The following TANC1 variants were observed in gnomAD, a reference collection of about 807,000 sequenced individuals.
TANC1 encodes tetratricopeptide repeat, ankyrin repeat and coiled-coil containing 1, also known as protein TANC1.
TANC1 carries 77 observed loss-of-function variants against 149.7 expected under a neutral mutation model. The ratio of observed to expected loss-of-function variants is 0.51; its 90% CI spans 0.43 to 0.62. The LOEUF (loss-of-function observed/expected upper bound fraction) is 0.62, where lower values mean the gene tolerates loss of function less well. TANC1 is among the 20% of genes least tolerant of loss of function. TANC1 has a pLI of 0.00. For synonymous variants in TANC1, 854 were observed against 925.0 expected (o/e 0.92, Z 1.39); for missense variants, 1,985 against 2,321.8 (o/e 0.85, Z 2.98).
At chr2:159,214,473 C>A (rs1256517144) in intron 19 of TANC1, among the ~76,000 whole-genome samples, 2 of 152,194 alleles carry the variant, frequency 1.3e-5, no homozygotes, top group Non-Finnish European at 2.9e-5. Context: ...GGTGCACAGG[C>A]CCCCTGTGCC....
At chr2:159,004,675 A>G (rs1327188466) in intron 2 of TANC1, among the ~76,000 whole-genome samples, 2 of 152,020 alleles carry the variant, frequency 1.3e-5, no homozygotes, top group African/African-American at 2.4e-5. Flanking sequence ...AAACAGTTCT[A>G]TTTATCCTCC....
intron 20 of TANC1, among the ~76,000 whole-genome samples, chr2:159,218,199 A>G (rs181145435): frequency 6.6e-6 from 1 of 152,344 alleles, no homozygotes; most frequent in Admixed American, 6.5e-5. Context: ...ACCTAGCACC[A>G]AGTTACACAT....
At chr2:159,093,062 C>A (rs2149873834) in intron 3 of TANC1, among the ~76,000 whole-genome samples, 1 of 152,242 alleles carries the variant, frequency 6.6e-6, no homozygotes, top group Admixed American at 6.5e-5. Context: ...GTAGGTGGGA[C>A]TGTCTGTGGT....
intron 4 of TANC1, among the ~76,000 whole-genome samples, chr2:159,134,814 T>C (rs1363476886): frequency 6.6e-6 from 1 of 152,036 alleles, no homozygotes; most frequent in Non-Finnish European, 1.5e-5. Context: ...AGAGACCAGG[T>C]CTTCACTGTG....
chr2:159,101,393 G>C (rs1366679663), intron 4 of TANC1, among the ~76,000 whole-genome samples: 2 of 152,196 alleles, frequency 1.3e-5, no homozygotes, highest in Non-Finnish European at 2.9e-5. Context: ...CTGTGGGCCA[G>C]AGATAATTTA....
chr2:159,181,548 C>T (rs970002501), intron 14 of TANC1, among the ~76,000 whole-genome samples: 4 of 152,204 alleles, frequency 2.6e-5, no homozygotes, highest in Non-Finnish European at 4.4e-5. Flanking sequence ...CCGCCCGCCT[C>T]GGCCTCCCAG....
intron 3 of TANC1, among the ~76,000 whole-genome samples, chr2:159,093,582 A>G (rs570455155): frequency 2.5e-4 from 38 of 152,324 alleles, no homozygotes; most frequent in African/African-American, 9.1e-4. Context: ...CTTCCTGTTC[A>G]TACATAAAAC....
chr2:159,147,861 C>T (rs2052314927), intron 5 of TANC1: 1 of 152,220 alleles, frequency 6.6e-6, no homozygotes, highest in African/African-American at 2.4e-5. Context: ...AGCGTAGTTT[C>T]CCTTGTAGCT....
At chr2:159,098,756 T>C (rs1410459303) in intron 4 of TANC1, among the ~76,000 whole-genome samples, 1 of 152,130 alleles carries the variant, frequency 6.6e-6, no homozygotes, top group Non-Finnish European at 1.5e-5. Context: ...AAAACAGAAC[T>C]TTGAGAGGTT....
intron 2 of TANC1, among the ~76,000 whole-genome samples, chr2:159,018,608 C>A (rs1167819573): frequency 2.0e-5 from 3 of 152,174 alleles, no homozygotes; most frequent in Non-Finnish European, 4.4e-5. Context: ...TTTTTTATCA[C>A]CCCAAAGAGA....
Position 159,087,912 on chromosome 2 carries a change from G to A in TANC1, c.62-9725G>A, listed in dbSNP as rs369605955. 2.7e-4 allele frequency among the ~76,000 whole-genome samples: 40 copies of A among 149,398 alleles called. No individual in the cohort carries two copies. In the South Asian group the frequency reaches 3.7e-3, roughly 14 times the overall value. On this transcript the variant is annotated intron_variant, in intron 3 of 26. Transcript: ENST00000263635. ...CTTAGGAGACACAGACACAGAGGGAGAATGTGATGTGATGACGTAGGCAGA... is the reference window on the plus strand; with the variant it reads ...CTTAGGAGACACAGACACAGAGGGAAAATGTGATGTGATGACGTAGGCAGA...
chr2:159,059,300 T>G (rs1256951336), intron 2 of TANC1, among the ~76,000 whole-genome samples: 1 of 152,102 alleles, frequency 6.6e-6, no homozygotes, highest in African/African-American at 2.4e-5. Flanking sequence ...CCCAGGAGTT[T>G]AGAGACCAGC....
intron 4 of TANC1, among the ~76,000 whole-genome samples, chr2:159,122,778 T>TG (rs1491088416): frequency 1.3e-5 from 2 of 151,500 alleles, no homozygotes; most frequent in Non-Finnish European, 2.9e-5. Context: ...TTTTTTTTTT[T>TG]TGCAGAGTAA....
intron 8 of TANC1, among the ~76,000 whole-genome samples, chr2:159,167,299 T>C (rs1559379783): frequency 6.6e-6 from 1 of 152,188 alleles, no homozygotes; most frequent in Non-Finnish European, 1.5e-5. Context: ...ATGAGGCATG[T>C]GAGGAGAAGG....
intron 2 of TANC1, chr2:159,004,281 G>A (rs554860979): frequency 3.1e-6 from 5 of 1,612,134 alleles, no homozygotes; most frequent in East Asian, 2.2e-5. Context: ...TCCAGATCTT[G>A]TAGAAAATTT....
In TANC1 at chr2:159,196,724, A is replaced by G. The variant is rs762070753; in HGVS notation, c.3096A>G (p.Pro1032=). 6.2e-7 allele frequency: 1 copy of G among 1,613,942 alleles called. No individual in the cohort carries two copies. Among genetic ancestry groups the G allele is most frequent in the South Asian group, 1.1e-5 (1 of 91,052 alleles). The change falls in exon 18 of 27, where the codon CCA becomes CCG. Residue 1032 remains proline (P), a synonymous_variant. Transcript: ENST00000263635. ...TCEWSPGPPQ[P]GTLRKSHALQ... ...AGTGGTCGCCGGGTCCTCCCCAGCC[A>G]GGCACCCTGAGGAAGAGCCACGCCC...
chr2:159,139,830 G>A (rs977550888), intron 5 of TANC1, among the ~76,000 whole-genome samples: 1 of 152,204 alleles, frequency 6.6e-6, no homozygotes, highest in African/African-American at 2.4e-5. Flanking sequence ...TCTGGGAGGA[G>A]AGGGTCTTTA....
intron 5 of TANC1, 99 bp from the exon 6 acceptor site, chr2:159,149,043 C>CA: frequency 1.4e-6 from 2 of 1,391,422 alleles, no homozygotes; most frequent in Non-Finnish European, 1.9e-6. Flanking sequence ...TAGAAACACA[C>CA]AAAATCACCA....
At chr2:159,080,564 T>A (rs2044167105) in intron 3 of TANC1, among the ~76,000 whole-genome samples, 1 of 152,202 alleles carries the variant, frequency 6.6e-6, no homozygotes, top group Non-Finnish European at 1.5e-5. Context: ...GTATATTTCC[T>A]ATGTAAAATC....
Sources: allele counts gnomAD v4.1 joint callset (sites outside exome capture counted in the v4.1 genomes callset), GRCh38; gene constraint gnomAD v4.1.1; transcripts MANE v1.5; gene names NCBI Gene and HGNC (gene_info 2026-07-23, HGNC 2026-07-21).